Variants in FOXK2 observed in about 807,000 individuals in gnomAD.
FOXK2 encodes the protein forkhead box protein K2.
Under a neutral mutation model 53.3 loss-of-function variants are expected in FOXK2, and 24 were observed. That is an observed-to-expected ratio of 0.45 (90% CI 0.33 to 0.63). The LOEUF is 0.63. Among genes scored for constraint, FOXK2 ranks in the 30% least tolerant of loss-of-function variants. The pLI is 0.03. For synonymous variants in FOXK2, 505 were observed against 407.1 expected, an observed-to-expected ratio of 1.24 and a Z score of -2.89; for missense variants, 952 against 910.5, an observed-to-expected ratio of 1.05 and a Z score of -0.59.
chr17:82,602,487 T>G lies in FOXK2; in HGVS notation c.*988T>G, dbSNP rs1458218497. On this transcript the variant is annotated 3_prime_UTR_variant, in exon 9 of 9. Transcript: ENST00000335255. ...GCCCTTTTGAAACTCAGATCCCAGG[T>G]CTCTCCGTGGTATGTTTGTATTTGG... 1 of 152,262 alleles carries G rather than the reference T, an allele frequency of 6.6e-6. No homozygotes were observed. The highest frequency in any genetic ancestry group is 1.5e-5 in the Non-Finnish European group (1 of 68,062). The allele number at this position is 152,262 out of a possible 1,614,324, so 9.4% of individuals were successfully genotyped here.
At chr17:82,551,409 C>T (rs2144093001) in intron 1 of FOXK2, among the ~76,000 whole-genome samples, 1 of 151,966 alleles carries the variant, frequency 6.6e-6, no homozygotes, top group Admixed American at 6.5e-5. Flanking sequence ...GGCACGGTGG[C>T]TCATGCCTGC....
At chr17:82,579,865 CTAG>C in intron 4 of FOXK2, among the ~76,000 whole-genome samples, 1 of 126,084 alleles carries the variant, frequency 7.9e-6, no homozygotes, top group Admixed American at 7.5e-5. Flanking sequence ...CACACATGGC[CTAG>C]CCCACCTCTC....
intron 1 of FOXK2, among the ~76,000 whole-genome samples, chr17:82,526,300 A>G (rs1463846910): frequency 6.6e-6 from 1 of 152,190 alleles, no homozygotes; most frequent in East Asian, 1.9e-4. Flanking sequence ...GGTCCTGGGA[A>G]GGAGATGGCC....
intron 1 of FOXK2, among the ~76,000 whole-genome samples, chr17:82,537,795 G>A (rs565475130): frequency 2.6e-5 from 4 of 151,698 alleles, no homozygotes; most frequent in Admixed American, 6.6e-5. Flanking sequence ...GGTGGTACAC[G>A]CCTGTAATCC....
At chr17:82,545,946 T>C (rs1162144842) in intron 1 of FOXK2, among the ~76,000 whole-genome samples, 3 of 152,176 alleles carry the variant, frequency 2.0e-5, no homozygotes, top group Non-Finnish European at 2.9e-5. Flanking sequence ...CCATTTACAC[T>C]GTGTGAGATC....
intron 8 of FOXK2, among the ~76,000 whole-genome samples, chr17:82,589,558 T>A (rs1598235968): frequency 6.6e-6 from 1 of 152,240 alleles, no homozygotes; most frequent in Non-Finnish European, 1.5e-5. Flanking sequence ...CTGTATTCAC[T>A]GATGGTTGCA....
At chr17:82,590,435 G>T (rs1390998295) in intron 8 of FOXK2, among the ~76,000 whole-genome samples, 1 of 152,168 alleles carries the variant, frequency 6.6e-6, no homozygotes, top group African/African-American at 2.4e-5. Context: ...AGATGACAGG[G>T]TGAGCCACCG....
chr17:82,561,484 C>T (rs1473147926), intron 1 of FOXK2, among the ~76,000 whole-genome samples: 4 of 152,040 alleles, frequency 2.6e-5, no homozygotes, highest in Non-Finnish European at 5.9e-5. Flanking sequence ...AGAGAGGAGG[C>T]TCCGGTAAGG....
intron 1 of FOXK2, among the ~76,000 whole-genome samples, chr17:82,537,372 G>A (rs1431888920): frequency 6.6e-6 from 1 of 152,134 alleles, no homozygotes; most frequent in Admixed American, 6.6e-5. Flanking sequence ...TGCCGGGCGG[G>A]CACGGTGGCT....
At chr17:82,534,837 C>A (rs28640931) in intron 1 of FOXK2, among the ~76,000 whole-genome samples, 90,759 of 152,114 alleles carry the variant, frequency 0.6, 27,666 homozygotes, top group South Asian at 0.79. Context: ...CAGGCTATGC[C>A]TTTTCTTGTT....
At chr17:82,587,583 C>T (rs911682873) in intron 8 of FOXK2, 55 of 415,418 alleles carry the variant, frequency 1.3e-4, no homozygotes, top group Admixed American at 9.3e-4. Flanking sequence ...GGAGCCGCCG[C>T]GTGTCTTTTC....
At chr17:82,587,963 C>T (rs1167500814) in intron 8 of FOXK2, among the ~76,000 whole-genome samples, 3 of 152,170 alleles carry the variant, frequency 2.0e-5, no homozygotes, top group Non-Finnish European at 4.4e-5. Context: ...TCCGAAGCTA[C>T]CGACTAAAAC....
chr17:82,540,850 T>C (rs569636782), intron 1 of FOXK2, among the ~76,000 whole-genome samples: 26 of 152,328 alleles, frequency 1.7e-4, no homozygotes, highest in Non-Finnish European at 3.1e-4. Flanking sequence ...ATTATTTTTT[T>C]CCCAGCGCAT....
Position 82,586,096 on chromosome 17 carries a change from C to T in FOXK2, c.1472C>T (p.Ala491Val), listed in dbSNP as rs12150682. The T allele has an allele frequency of 6.5e-3, 10,495 of 1,612,726 alleles. 38 individuals are homozygous for T. Among genetic ancestry groups the T allele is most frequent in the Middle Eastern group, 9.7e-3 (59 of 6,060 alleles). Reference sequence around the variant, plus strand: ...ACCAGTGTGGCCGGACTGGCCCCAGCGAACACGTACACTGTCTCTGGACAA... The same window carrying T: ...ACCAGTGTGGCCGGACTGGCCCCAGTGAACACGTACACTGTCTCTGGACAA... ...SVTSVAGLAP[A>V]NTYTVSGQAV... Residue 491 changes from alanine to valine, a missense_variant, in exon 7 of 9, where the codon GCG (alanine) becomes GTG (valine). This residue lies in a region of FOXK2 where 551 missense variants were observed against 385.1 expected (regional missense o/e 1.43). Coordinates refer to ENST00000335255, the MANE Select transcript of FOXK2 (RefSeq NM_004514.4).
At chr17:82,546,697 G>A (rs1003947471) in intron 1 of FOXK2, among the ~76,000 whole-genome samples, 2 of 151,860 alleles carry the variant, frequency 1.3e-5, no homozygotes, top group African/African-American at 4.8e-5. Context: ...TGAACTCCTG[G>A]GCTCAAGTGT....
intron 2 of FOXK2, 55 bp from the exon 3 acceptor site, chr17:82,567,999 A>G (rs1598216467): frequency 6.8e-7 from 1 of 1,465,548 alleles, no homozygotes; most frequent in Non-Finnish European, 9.0e-7. Context: ...GCTGAAGCAC[A>G]GTAGGATGCG....
chr17:82,567,926 CTTTT>C lies in FOXK2; in HGVS notation c.615-109_615-106del, dbSNP rs3065019. 9.9e-3 allele frequency: 4,167 copies of C among 422,548 alleles called. 30 individuals are homozygous for C. Among genetic ancestry groups the C allele is most frequent in the African/African-American group, 0.036 (1,559 of 43,484 alleles). The allele number at this position is 422,548 out of a possible 1,614,324, so 26.2% of individuals were successfully genotyped here. A position where few individuals can be genotyped will look rare whatever the true frequency, so the allele number is the denominator to read the frequency against. On this transcript the variant is annotated intron_variant, in intron 2 of 8. Transcript: ENST00000335255. ...CATAGGAAATGCTGATATTCTCTTC[CTTTT>C]TTTTTTTTTTTTTTTTTTAACATTT... is the stretch of plus-strand genomic sequence containing the variant.
rs371933627 is a variant in FOXK2, at chr17:82,601,264, G to A, written c.1787-39G>A. 213 of 1,589,220 alleles carry A rather than the reference G, an allele frequency of 1.3e-4. No homozygotes were observed. The African/African-American group carries it at 2.2e-3, about 16-fold the overall frequency. ...GGGGTTCTGAGTCGCGAGGGTTCAC[G>A]TGAGAGCGTGGGGTTCTGACTCCCT... On this transcript the variant is annotated intron_variant, in intron 8 of 8. Transcript: ENST00000335255.
At position 82,549,050 on chromosome 17, in the gene FOXK2, G is replaced by A. The variant is rs191123347; in HGVS notation, c.420-14304G>A. Among the ~76,000 whole-genome samples, 128 of 152,350 alleles carry A rather than the reference G, an allele frequency of 8.4e-4. 1 individual carries two copies. Among genetic ancestry groups the A allele is most frequent in the African/African-American group, 3.0e-3 (123 of 41,586 alleles). ...TAGTTTCTCACAGCAGCCTCTGGCA[G>A]GACCTGGAGTGGAAATCTTCCTTAG... On this transcript the variant is annotated intron_variant, in intron 1 of 8. Coordinates refer to ENST00000335255, the MANE Select transcript of FOXK2 (RefSeq NM_004514.4).
Sources: gnomAD v4.1 joint callset for allele counts (sites outside exome capture counted in the v4.1 genomes callset) on GRCh38, gnomAD v4.1.1 for gene constraint, gnomAD v4.1.1 regional missense constraint, MANE v1.5 for transcripts, NCBI Gene and HGNC (gene_info 2026-07-23, HGNC 2026-07-21) for gene names.